KLC4: variants seen among roughly 807,000 people sequenced by gnomAD.
KLC4 encodes the protein kinesin-like protein 8.
A neutral mutation model predicts 77.2 loss-of-function variants in KLC4; 49 were observed. The observed-to-expected ratio is 0.63, with a 90% CI of 0.50 to 0.80. KLC4 has a LOEUF of 0.80. Among genes scored for constraint, KLC4 ranks in the 30% least tolerant of loss-of-function variants. The pLI is 0.00. For synonymous variants in KLC4, 274 were observed against 314.5 expected (o/e 0.87, Z 1.36); for missense variants, 669 against 793.5 (o/e 0.84, Z 1.89).
At chr6:43,065,757 G>C in intron 4 of KLC4, 56 bp downstream of exon 4, 2 of 1,222,360 alleles carry the variant, frequency 1.6e-6, no homozygotes, top group Non-Finnish European at 2.4e-6. Flanking sequence ...GCTGGCCCTA[G>C]CTGTGGCCCA....
rs1561920823 is a variant in KLC4, at chr6:43,072,127, T to TG, written c.1380-18dup. Reference sequence around the variant, plus strand: ...CTGAACTCATTCTCTCTTCCTTCTCTGGTCTCTTTCTCACCACAGCCCCAC... The same window carrying TG: ...CTGAACTCATTCTCTCTTCCTTCTCTGGGTCTCTTTCTCACCACAGCCCCAC... On this transcript the variant is annotated intron_variant, in intron 11 of 15. Coordinates refer to ENST00000347162, the MANE Select transcript of KLC4 (RefSeq NM_201521.3). 1 of 1,589,888 alleles carries TG rather than the reference T, an allele frequency of 6.3e-7. No individual in the cohort carries two copies. Among genetic ancestry groups the TG allele is most frequent in the Admixed American group, 1.7e-5 (1 of 59,784 alleles).
chr6:43,061,207 TCTTA>T (rs1561909919), intron 1 of KLC4, 100 bp from the exon 2 acceptor site: 1 of 1,227,364 alleles, frequency 8.1e-7, no homozygotes, highest in Non-Finnish European at 1.2e-6. Flanking sequence ...ACAGGGTCAC[TCTTA>T]CTTTTGTCCC....
rs554064419 is a variant in KLC4 at position 43,060,429 on chromosome 6, C to T, written c.-26+744C>T. ...AGAGGGAGGGAGGGAGGGTGTTTGTCCTGGGTGGGGCTCTGGGCCAGGTCC... is the reference window on the plus strand; with the variant it reads ...AGAGGGAGGGAGGGAGGGTGTTTGTTCTGGGTGGGGCTCTGGGCCAGGTCC... On this transcript the variant is annotated intron_variant, in intron 1 of 15. Transcript: ENST00000347162. 82 of 1,459,576 alleles carry T rather than the reference C, an allele frequency of 5.6e-5. 1 individual carries two copies. The South Asian group carries it at 8.4e-4, about 15-fold the overall frequency. 90.4% of individuals were successfully genotyped at this position (1,459,576 alleles called of 1,614,324 possible).
chr6:43,066,870 G>A lies in KLC4; in HGVS notation c.792-126G>A, dbSNP rs1211360441. The A allele has an allele frequency of 1.2e-5, 17 of 1,400,682 alleles. No individual in the cohort carries two copies. In the Admixed American group the frequency reaches 1.3e-4, roughly 11 times the overall value. The allele number at this position is 1,400,682 out of a possible 1,614,324, so 86.8% of individuals were successfully genotyped here. A position where few individuals can be genotyped will look rare whatever the true frequency, so the allele number is the denominator to read the frequency against. ...TCAGTGAAGCCCCCTTACTGTCCAC[G>A]CCAGGCTTCCTGTCTCCTCATGGAG... On this transcript the variant is annotated intron_variant, in intron 5 of 15. Coordinates refer to ENST00000347162, the MANE Select transcript of KLC4 (RefSeq NM_201521.3).
chr6:43,070,877 G>A lies in KLC4; in HGVS notation c.1155+12G>A. On this transcript the variant is annotated intron_variant, in intron 8 of 15. Coordinates refer to ENST00000347162, the MANE Select transcript of KLC4 (RefSeq NM_201521.3). Reference sequence around the variant, plus strand: ...CCAAGAACAACCTGGTATGGGAGGAGGGACAAAGTAGGTGGAAGAAACGGA... The same window carrying A: ...CCAAGAACAACCTGGTATGGGAGGAAGGACAAAGTAGGTGGAAGAAACGGA... 1 of 1,384,386 alleles carries A rather than the reference G, an allele frequency of 7.2e-7. No homozygotes were observed. The highest frequency in any genetic ancestry group is 9.7e-7 in the Non-Finnish European group (1 of 1,036,144). The allele number at this position is 1,384,386 out of a possible 1,614,324, so 85.8% of individuals were successfully genotyped here.
chr6:43,070,588 C>G (rs1206805589), intron 7 of KLC4, 104 bp from the exon 8 acceptor site: 1 of 1,435,580 alleles, frequency 7.0e-7, no homozygotes, highest in Non-Finnish European at 9.6e-7. Flanking sequence ...CCTTCATTCC[C>G]TTTCCTCTGC....
intron 5 of KLC4, 35 bp downstream of exon 5, chr6:43,066,560 C>T (rs377082142): frequency 1.5e-5 from 23 of 1,558,692 alleles, no homozygotes; most frequent in Non-Finnish European, 1.9e-5. Context: ...CCAGATCTTC[C>T]CCCACATTCC....
intron 15 of KLC4, 109 bp downstream of exon 15, chr6:43,074,074 A>C (rs899183436): frequency 3.7e-6 from 3 of 811,138 alleles, no homozygotes; most frequent in Non-Finnish European, 5.9e-6. Context: ...ATCTGGGATG[A>C]AGATGAGCCA....
Position 43,073,642 on chromosome 6 carries a change from C to G in KLC4, c.1746-260C>G, listed in dbSNP as rs1041738824. On this transcript the variant is annotated intron_variant, in intron 14 of 15. Transcript: ENST00000347162. ...AGCCCAGGCGACAACAGCGAGACTC[C>G]GTCTCAAAAAAAAAAAGAAAAAAAA... is the stretch of plus-strand genomic sequence containing the variant. 4 of 527,356 alleles carry G rather than the reference C, an allele frequency of 7.6e-6. No individual in the cohort carries two copies. The East Asian group carries it at 1.4e-4, about 18-fold the overall frequency. The allele number at this position is 527,356 out of a possible 1,614,324, so 32.7% of individuals were successfully genotyped here.
chr6:43,066,433 C>T lies in KLC4; in HGVS notation c.699C>T (p.Leu233=), dbSNP rs1490785290. Residue 233 remains leucine (L), a synonymous_variant, in exon 5 of 16, where the codon CTC becomes CTT. Transcript: ENST00000347162. ...GTCGCTATGAGGTGGCCGTGCCACT[C>T]TGTAAGCAGGCACTAGAGGACCTGG... ...AQGRYEVAVP[L]CKQALEDLER... 6.2e-7 allele frequency: 1 copy of T among 1,614,180 alleles called. No individual in the cohort carries two copies. Among genetic ancestry groups the T allele is most frequent in the Non-Finnish European group, 8.5e-7 (1 of 1,180,034 alleles).
chr6:43,059,641 A>AG lies in KLC4; in HGVS notation c.-66dup, dbSNP rs1457728787. The AG allele has an allele frequency of 4.3e-6, 6 of 1,389,938 alleles. No individual in the cohort carries two copies. Among genetic ancestry groups the AG allele is most frequent in the Non-Finnish European group, 3.7e-6 (4 of 1,075,954 alleles). The allele number at this position is 1,389,938 out of a possible 1,614,324, so 86.1% of individuals were successfully genotyped here. Reference sequence around the variant, plus strand: ...CGAGCGGCAGCCATCATGGATTTAAAGGGGCAGTACCGGCAAGAGCGGCAG... The same window carrying AG: ...CGAGCGGCAGCCATCATGGATTTAAAGGGGGCAGTACCGGCAAGAGCGGCAG... On this transcript the variant is annotated 5_prime_UTR_variant, in exon 1 of 16. Coordinates refer to ENST00000347162, the MANE Select transcript of KLC4 (RefSeq NM_201521.3).
chr6:43,071,192 A>C (rs1765703290), intron 8 of KLC4, 83 bp from the exon 9 acceptor site: 1 of 798,866 alleles, frequency 1.3e-6, no homozygotes, highest in Middle Eastern at 2.3e-4. Flanking sequence ...CCTGGTGAAG[A>C]CCTTGTCTAA....
intron 6 of KLC4, among the ~76,000 whole-genome samples, chr6:43,068,767 C>T (rs1176087784): frequency 6.6e-6 from 1 of 152,130 alleles, no homozygotes; most frequent in African/African-American, 2.4e-5. Context: ...GCCGAGATCG[C>T]ACCACTGCAC....
chr6:43,062,337 C>G (rs1765204207), intron 2 of KLC4, among the ~76,000 whole-genome samples: 1 of 152,212 alleles, frequency 6.6e-6, no homozygotes, highest in East Asian at 1.9e-4. Flanking sequence ...CTCTGCCTGC[C>G]AGGTTCAAGC....
At chr6:43,065,052 G>T (rs1356727327) in intron 3 of KLC4, among the ~76,000 whole-genome samples, 1 of 152,070 alleles carries the variant, frequency 6.6e-6, no homozygotes, top group African/African-American at 2.4e-5. Flanking sequence ...ATTGAGGGTG[G>T]TTAGAAAGGA....
In KLC4 at chr6:43,074,773, T is replaced by G; in HGVS notation, c.*101T>G. The G allele has an allele frequency of 1.0e-6, 1 of 953,566 alleles. No individual in the cohort carries two copies. The highest frequency in any genetic ancestry group is 1.7e-6 in the Non-Finnish European group (1 of 585,422). 59.1% of individuals were successfully genotyped at this position (953,566 alleles called of 1,614,324 possible). A position where few individuals can be genotyped will look rare whatever the true frequency, so the allele number is the denominator to read the frequency against. On this transcript the variant is annotated 3_prime_UTR_variant, in exon 16 of 16. Transcript: ENST00000347162. ...TCTTCCCCACCCCTAGGTGGGACAG[T>G]GAAGGGGAGCAGTTTAACCAGAAGA...
At chr6:43,073,520 G>A in intron 14 of KLC4, 182 bp downstream of exon 14, 3 of 543,366 alleles carry the variant, frequency 5.5e-6, no homozygotes, top group Middle Eastern at 5.0e-4. Context: ...GGTGGCAGGT[G>A]CCTGTAATCT....
intron 6 of KLC4, chr6:43,067,288 C>A: frequency 1.6e-6 from 2 of 1,228,412 alleles, no homozygotes; most frequent in East Asian, 2.9e-5. Flanking sequence ...CTTTTTATAA[C>A]AAATATTTTG....
At chr6:43,071,044 G>C (rs1252014818) in intron 8 of KLC4, among the ~76,000 whole-genome samples, 179 bp downstream of exon 8, 1 of 152,002 alleles carries the variant, frequency 6.6e-6, no homozygotes, top group East Asian at 1.9e-4. Context: ...TGAAGGATCT[G>C]CTTCATTCCA....
Sources: allele counts gnomAD v4.1 joint callset (sites outside exome capture counted in the v4.1 genomes callset), GRCh38; gene constraint gnomAD v4.1.1; transcripts MANE v1.5; gene names NCBI Gene and HGNC (gene_info 2026-07-23, HGNC 2026-07-21).